Variants in SLC47A2 observed in about 807,000 individuals in gnomAD.
SLC47A2 encodes the protein multidrug and toxin extrusion protein 2.
A neutral mutation model predicts 67.7 loss-of-function variants in SLC47A2; 52 were observed. The observed-to-expected ratio is 0.77, with a 90% CI of 0.61 to 0.97. The LOEUF (loss-of-function observed/expected upper bound fraction) is 0.97, where lower values mean the gene tolerates loss of function less well. SLC47A2 is among the 50% of genes least tolerant of loss of function. SLC47A2 has a pLI of 0.00. For synonymous variants in SLC47A2, 278 were observed against 292.9 expected (o/e 0.95, Z 0.52); for missense variants, 676 against 712.3 (o/e 0.95, Z 0.58).
intron 1 of SLC47A2, chr17:19,715,718 T>C (rs1211847069): frequency 6.9e-6 from 1 of 144,254 alleles, no homozygotes; most frequent in Non-Finnish European, 1.5e-5. Context: ...TTTTTTTTTT[T>C]TTTTTGAGAC....
chr17:19,707,631 G>A, intron 8 of SLC47A2, 115 bp downstream of exon 8: 1 of 876,266 alleles, frequency 1.1e-6, no homozygotes, highest in Non-Finnish European at 1.8e-6. Flanking sequence ...GCAGGGTCCT[G>A]CACCTCCTCC....
intron 10 of SLC47A2, chr17:19,704,575 C>G: frequency 1.5e-6 from 2 of 1,375,192 alleles, no homozygotes; most frequent in Non-Finnish European, 1.9e-6. Flanking sequence ...ATAAGAATCT[C>G]TAAATTGATT....
chr17:19,708,744 T>C lies in SLC47A2; in HGVS notation c.503A>G (p.Asn168Ser). The C allele has an allele frequency of 6.2e-7, 1 of 1,613,960 alleles. No individual in the cohort carries two copies. The change falls in exon 6 of 17, where the codon AAT (asparagine) becomes AGT (serine). Residue 168 changes from asparagine (N) to serine (S), a missense_variant. Transcript: ENST00000433844. ...ATTTTGCAAATATTTTGCCAGCAGA[T>C]TGTAAAGAAAAATCACCTGTATGAA... ...IPGLPVIFLY[N>S]LLAKYLQNQK...
At chr17:19,711,012 T>A (rs1435580953) in intron 5 of SLC47A2, among the ~76,000 whole-genome samples, 2 of 150,712 alleles carry the variant, frequency 1.3e-5, no homozygotes, top group African/African-American at 4.9e-5. Flanking sequence ...TTTCTCCATA[T>A]TAGTCAGGCT....
chr17:19,716,397 C>A, intron 1 of SLC47A2, 36 bp downstream of exon 1: 2 of 1,586,962 alleles, frequency 1.3e-6, no homozygotes, highest in East Asian at 2.3e-5. Context: ...TCAGCTTCCT[C>A]CACTCCCTAC....
intron 13 of SLC47A2, among the ~76,000 whole-genome samples, chr17:19,700,513 G>A (rs2087148670): frequency 6.6e-6 from 1 of 152,218 alleles, no homozygotes. Flanking sequence ...TGTAATCCTA[G>A]CACTTTGGGG....
chr17:19,716,630 G>T, upstream of SLC47A2: 1 of 1,479,768 alleles, frequency 6.8e-7, no homozygotes, highest in Non-Finnish European at 9.0e-7. Context: ...GCCACCCCCT[G>T]CCTGGGCAGC....
Position 19,704,822 on chromosome 17 carries a change from C to CTTT in SLC47A2, c.909+611_909+613dup, listed in dbSNP as rs6146013. On this transcript the variant is annotated intron_variant, in intron 10 of 16. Coordinates refer to ENST00000433844, the MANE Select transcript of SLC47A2 (RefSeq NM_001099646.3). Reference sequence around the variant, plus strand: ...GTGGCCTGCTGCTCGATGGAATGTGCTTTTTTTTTTTTTTTTTTTTTGAGA... The same window carrying CTTT: ...GTGGCCTGCTGCTCGATGGAATGTGCTTTTTTTTTTTTTTTTTTTTTTTTGAGA... 6.8e-3 allele frequency: 1,850 copies of CTTT among 273,512 alleles called. 21 individuals carry two copies. Among genetic ancestry groups the CTTT allele is most frequent in the South Asian group, 0.013 (143 of 11,228 alleles). The allele number at this position is 273,512 out of a possible 1,614,324, so 16.9% of individuals were successfully genotyped here.
rs532396251 is a variant in SLC47A2 at position 19,714,586 on chromosome 17, C to T, written c.294+135G>A. On this transcript the variant is annotated intron_variant, in intron 3 of 16. Transcript: ENST00000433844. ...CAGCCTGTGGTCCTTGGAGGTAGGG[C>T]AGGGGCAGCTGACCCCAGGGCCCAT... 37 of 954,100 alleles carry T rather than the reference C, an allele frequency of 3.9e-5. No homozygotes were observed. The African/African-American group carries it at 5.9e-4, about 15-fold the overall frequency. 59.1% of individuals were successfully genotyped at this position (954,100 alleles called of 1,614,324 possible).
chr17:19,681,508 G>C (rs373893783), intron 14 of SLC47A2, 30 bp downstream of exon 14: 1 of 1,614,044 alleles, frequency 6.2e-7, no homozygotes, highest in African/African-American at 1.3e-5. Flanking sequence ...CGACCACCCA[G>C]GCCTCTCCCG....
Position 19,680,005 on chromosome 17 carries a change from C to G in SLC47A2, c.1427G>C (p.Arg476Thr). The G allele has an allele frequency of 6.2e-7, 1 of 1,614,060 alleles. No individual in the cohort carries two copies. Residue 476 changes from arginine to threonine, a missense_variant, in exon 16 of 17, where the codon AGA becomes ACA. Transcript: ENST00000433844. The part of the protein sequence containing the change: ...KKHSGRQQQQ[R>T]AESTATRPGP... Reference sequence around the variant, plus strand: ...AGGTCTGGTTGCAGTGCTCTCTGCTCTCTGCTGCTGCTGCCGGCCTGAATG... The same window carrying G: ...AGGTCTGGTTGCAGTGCTCTCTGCTGTCTGCTGCTGCTGCCGGCCTGAATG...
chr17:19,710,153 C>T (rs1425897543), intron 5 of SLC47A2, among the ~76,000 whole-genome samples: 1 of 152,152 alleles, frequency 6.6e-6, no homozygotes, highest in East Asian at 1.9e-4. Context: ...TGAGCTGAGC[C>T]TGGTAGGGCT....
At chr17:19,712,836 G>A (rs540551508) in intron 4 of SLC47A2, 91 bp from the exon 5 acceptor site, 18 of 1,261,972 alleles carry the variant, frequency 1.4e-5, no homozygotes, top group Admixed American at 9.8e-5. Context: ...CTGGGTGCTC[G>A]GCCGCTGTCC....
Position 19,708,463 on chromosome 17 carries a change from C to T in SLC47A2, c.532-64G>A, listed in dbSNP as rs138969135. The T allele has an allele frequency of 2.3e-3, 3,703 of 1,614,120 alleles. 29 individuals carry two copies. Among genetic ancestry groups the T allele is most frequent in the Middle Eastern group, 6.8e-3 (41 of 6,060 alleles). ...GAGATGGATGGAGGATGGACAAACC[C>T]GGGGTTTGGAATGGGGACTCCTCCT... On this transcript the variant is annotated intron_variant, in intron 6 of 16. Transcript: ENST00000433844.
intron 13 of SLC47A2, among the ~76,000 whole-genome samples, chr17:19,684,718 G>T (rs1473816895): frequency 6.6e-6 from 1 of 150,938 alleles, no homozygotes; most frequent in East Asian, 1.9e-4. Context: ...AAAATTAAAA[G>T]TTAAAAAATA....
chr17:19,704,911 C>T lies in SLC47A2; in HGVS notation c.909+525G>A, dbSNP rs187996425. On this transcript the variant is annotated intron_variant, in intron 10 of 16. Transcript: ENST00000433844. ...CACGATCTCGGCTCACTGCAACCTC[C>T]GCCTCCCGGGTTCAAGTGATTCTTC... The T allele has an allele frequency of 1.6e-4, 69 of 438,312 alleles. 2 individuals are homozygous for T. The East Asian group carries it at 2.2e-3, about 14-fold the overall frequency. The allele number at this position is 438,312 out of a possible 1,614,324, so 27.2% of individuals were successfully genotyped here.
At chr17:19,684,136 C>T (rs998158621) in intron 13 of SLC47A2, among the ~76,000 whole-genome samples, 1 of 152,146 alleles carries the variant, frequency 6.6e-6, no homozygotes, top group African/African-American at 2.4e-5. Flanking sequence ...TGGTCTTGAA[C>T]TCCTAGGCTC....
intron 13 of SLC47A2, among the ~76,000 whole-genome samples, chr17:19,687,037 T>C (rs112016037): frequency 0.014 from 2,165 of 152,258 alleles, 53 homozygotes; most frequent in African/African-American, 0.049. Flanking sequence ...GGACAGACCA[T>C]ATTTGAGTCA....
rs917540594 is a variant in SLC47A2, at chr17:19,711,613, A to G, written c.486+1090T>C. On this transcript the variant is annotated intron_variant, in intron 5 of 16. Coordinates refer to ENST00000433844, the MANE Select transcript of SLC47A2 (RefSeq NM_001099646.3). The stretch of plus-strand genomic sequence containing the variant: ...CAAAAAAAAAAAAAAAAAAAAAAAA[A>G]AAAGAAAAGAAAAAAGAAATGCATG... Among the ~76,000 whole-genome samples the G allele has an allele frequency of 1.6e-3, 236 of 149,852 alleles. 1 individual carries two copies. The highest frequency in any genetic ancestry group is 5.4e-3 in the African/African-American group (221 of 41,018).
Sources: allele counts gnomAD v4.1 joint callset (sites outside exome capture counted in the v4.1 genomes callset), GRCh38; gene constraint gnomAD v4.1.1; transcripts MANE v1.5; gene names NCBI Gene and HGNC (gene_info 2026-07-23, HGNC 2026-07-21).